SOX5: variants seen among roughly 807,000 people sequenced by gnomAD.
The protein encoded by SOX5 is transcription factor SOX-5.
Under a neutral mutation model 92.0 loss-of-function variants are expected in SOX5, and 9 were observed. That is an observed-to-expected ratio of 0.10 (90% CI 0.06 to 0.17). The LOEUF (loss-of-function observed/expected upper bound fraction) is 0.17, where lower values mean the gene tolerates loss of function less well. Among genes scored for constraint, SOX5 ranks in the 10% least tolerant of loss-of-function variants. The pLI is 1.00. For synonymous variants in SOX5, 344 were observed against 336.3 expected, an observed-to-expected ratio of 1.02 and a Z score of -0.25; for missense variants, 642 against 944.5, an observed-to-expected ratio of 0.68 and a Z score of 4.20.
At chr12:24,152,732 C>T (rs1452119625) in intron 4 of SOX5, among the ~76,000 whole-genome samples, 1 of 151,720 alleles carries the variant, frequency 6.6e-6, no homozygotes, top group Non-Finnish European at 1.5e-5. Flanking sequence ...TGTCATCATA[C>T]TGGAAGCAAT....
chr12:24,024,400 T>C (rs1243526686), intron 4 of SOX5, among the ~76,000 whole-genome samples: 1 of 152,012 alleles, frequency 6.6e-6, no homozygotes, highest in African/African-American at 2.4e-5. Context: ...TCCATCTACA[T>C]TGCACTGTAT....
intron 10 of SOX5, among the ~76,000 whole-genome samples, chr12:23,567,383 G>T (rs1283299636): frequency 6.6e-6 from 1 of 151,598 alleles, no homozygotes; most frequent in Non-Finnish European, 1.5e-5. Flanking sequence ...AATGAGATTT[G>T]GAAAATGTGG....
chr12:24,363,131 C>T (rs1955785701), intron 2 of SOX5, among the ~76,000 whole-genome samples: 1 of 152,004 alleles, frequency 6.6e-6, no homozygotes, highest in Non-Finnish European at 1.5e-5. Flanking sequence ...GAAAATTCAC[C>T]TGTGAAATAA....
intron 4 of SOX5, among the ~76,000 whole-genome samples, chr12:24,168,254 G>A (rs549666899): frequency 9.2e-5 from 14 of 152,276 alleles, no homozygotes; most frequent in African/African-American, 3.1e-4. Flanking sequence ...ACACTTTATT[G>A]TGGATTGTAG....
intron 1 of SOX5, among the ~76,000 whole-genome samples, chr12:24,507,767 T>C (rs1251204266): frequency 1.3e-5 from 2 of 152,134 alleles, no homozygotes; most frequent in Non-Finnish European, 2.9e-5. Flanking sequence ...GAATTTGCTT[T>C]AAAATACTAC....
intron 9 of SOX5, among the ~76,000 whole-genome samples, chr12:23,598,302 C>T (rs1449469472): frequency 6.6e-6 from 1 of 150,620 alleles, no homozygotes; most frequent in Admixed American, 6.6e-5. Context: ...TTGAACTTTT[C>T]ACCATGGAAA....
chr12:24,019,589 A>G (rs1355288697), intron 4 of SOX5, among the ~76,000 whole-genome samples: 1 of 152,176 alleles, frequency 6.6e-6, no homozygotes, highest in Non-Finnish European at 1.5e-5. Flanking sequence ...GCATCTTGGT[A>G]TAAAGCTTAA....
chr12:24,452,591 C>T (rs1010570323), intron 1 of SOX5, among the ~76,000 whole-genome samples: 5 of 152,198 alleles, frequency 3.3e-5, no homozygotes. Context: ...CCACCAAGGA[C>T]ATCACCCTGC....
chr12:23,702,383 G>C (rs1260912883), intron 6 of SOX5, among the ~76,000 whole-genome samples: 5 of 151,956 alleles, frequency 3.3e-5, no homozygotes, highest in African/African-American at 1.2e-4. Context: ...AATCCATTTT[G>C]ATTCATACTC....
At chr12:24,544,924 C>A (rs1477016723) in intron 1 of SOX5, among the ~76,000 whole-genome samples, 2 of 152,150 alleles carry the variant, frequency 1.3e-5, no homozygotes, top group Non-Finnish European at 2.9e-5. Context: ...CTTCTAATTA[C>A]GTTTCTGATT....
rs115027300 is a variant in SOX5 at position 24,172,878 on chromosome 12, G to A, written c.-2+40465C>T. ...AGGTCATCAATTCCCCAGGGACAAGGATGCTAAATCTTTATTATTTTCCCC... is the reference window on the plus strand; with the variant it reads ...AGGTCATCAATTCCCCAGGGACAAGAATGCTAAATCTTTATTATTTTCCCC... On this transcript the variant is annotated intron_variant, in intron 4 of 4. Coordinates refer to the SOX5 transcript ENST00000446891. Among the ~76,000 whole-genome samples, 1,293 of 152,296 alleles carry A rather than the reference G, an allele frequency of 8.5e-3. 20 individuals are homozygous for A. Among genetic ancestry groups the A allele is most frequent in the African/African-American group, 0.03 (1,228 of 41,548 alleles).
chr12:23,612,302 G>T (rs1262188654), intron 8 of SOX5, among the ~76,000 whole-genome samples: 1 of 151,992 alleles, frequency 6.6e-6, no homozygotes, highest in African/African-American at 2.4e-5. Context: ...TCCAAGTCAG[G>T]TCATTGAGAT....
intron 2 of SOX5, among the ~76,000 whole-genome samples, chr12:24,355,297 T>TAA (rs1396786447): frequency 8.6e-5 from 2 of 23,276 alleles, no homozygotes; most frequent in Non-Finnish European, 2.8e-4. Context: ...TTTTTTTTTT[T>TAA]TTTTTTTTTT....
chr12:23,617,550 T>C (rs2076709341), intron 8 of SOX5, among the ~76,000 whole-genome samples: 1 of 152,160 alleles, frequency 6.6e-6, no homozygotes. Flanking sequence ...TTGGATAGAA[T>C]ATGAAGCTAT....
At chr12:24,377,741 A>G (rs1957431440) in intron 1 of SOX5, among the ~76,000 whole-genome samples, 1 of 152,170 alleles carries the variant, frequency 6.6e-6, no homozygotes, top group South Asian at 2.1e-4. Flanking sequence ...CTCAGTTTCC[A>G]CATCTGTAAA....
At chr12:24,149,786 A>G (rs1309838324) in intron 4 of SOX5, among the ~76,000 whole-genome samples, 1 of 152,222 alleles carries the variant, frequency 6.6e-6, no homozygotes, top group Non-Finnish European at 1.5e-5. Context: ...ACAGATGAAT[A>G]AAACTGATGA....
intron 4 of SOX5, among the ~76,000 whole-genome samples, chr12:23,750,725 G>C (rs1339326539): frequency 1.3e-5 from 2 of 151,794 alleles, no homozygotes; most frequent in South Asian, 4.1e-4. Context: ...AAATATGTAA[G>C]AGTTTAGTAT....
intron 1 of SOX5, among the ~76,000 whole-genome samples, chr12:24,397,059 C>T (rs1460419579): frequency 6.6e-6 from 1 of 152,170 alleles, no homozygotes; most frequent in Non-Finnish European, 1.5e-5. Context: ...CCTGGAAGTA[C>T]CATCGCATCC....
At chr12:23,885,067 C>A (rs1317825721) in intron 2 of SOX5, among the ~76,000 whole-genome samples, 3 of 152,090 alleles carry the variant, frequency 2.0e-5, no homozygotes, top group African/African-American at 7.2e-5. Flanking sequence ...GCTCCCATGT[C>A]CCTAGCGGTG....
Sources: allele counts gnomAD v4.1 joint callset (sites outside exome capture counted in the v4.1 genomes callset), GRCh38; gene constraint gnomAD v4.1.1; transcripts MANE v1.5; gene names NCBI Gene and HGNC (gene_info 2026-07-23, HGNC 2026-07-21).